Variants in FSTL5 observed in about 807,000 individuals in gnomAD.
The protein encoded by FSTL5 is follistatin like 5.
Under a neutral mutation model 89.1 loss-of-function variants are expected in FSTL5, and 62 were observed. That is an observed-to-expected ratio of 0.70 (90% CI 0.57 to 0.86). The LOEUF is 0.86. Among genes scored for constraint, FSTL5 ranks in the 40% least tolerant of loss-of-function variants. The probability of loss-of-function intolerance (pLI) is 0.00; values close to 1 mark genes in which losing one functional copy is unlikely to be tolerated. For synonymous variants in FSTL5, 383 were observed against 346.2 expected, an observed-to-expected ratio of 1.11 and a Z score of -1.18; for missense variants, 1,057 against 1,001.6, an observed-to-expected ratio of 1.06 and a Z score of -0.75.
Position 161,678,186 on chromosome 4 carries a change from G to A in FSTL5, c.728-21692C>T, listed in dbSNP as rs117248234. Among the ~76,000 whole-genome samples the A allele has an allele frequency of 6.0e-3, 907 of 151,692 alleles. 9 individuals carry two copies. The highest frequency in any genetic ancestry group is 0.046 in the South Asian group (220 of 4,806). On this transcript the variant is annotated intron_variant, in intron 6 of 15. Coordinates refer to ENST00000306100, the MANE Select transcript of FSTL5 (RefSeq NM_020116.5). The stretch of plus-strand genomic sequence containing the variant: ...ATATATGATACTTACTATATAATAT[G>A]TAAATGTACAAACACATATGTGTGT...
In FSTL5 at chr4:161,549,911, T is replaced by C. The variant is rs1022732051; in HGVS notation, c.1016-7218A>G. Among the ~76,000 whole-genome samples the C allele has an allele frequency of 4.6e-5, 7 of 151,962 alleles. No individual in the cohort carries two copies. The East Asian group carries it at 9.7e-4, about 21-fold the overall frequency. On this transcript the variant is annotated intron_variant, in intron 8 of 15. Transcript: ENST00000306100. Reference sequence around the variant, plus strand: ...GATCCATTGTATATACAAATTTCACTGACTATTGAATAAGTGTCAATCCTC... The same window carrying C: ...GATCCATTGTATATACAAATTTCACCGACTATTGAATAAGTGTCAATCCTC...
chr4:161,455,406 C>T (rs1733319243), intron 14 of FSTL5, among the ~76,000 whole-genome samples: 1 of 152,036 alleles, frequency 6.6e-6, no homozygotes, highest in East Asian at 1.9e-4. Context: ...TAAGCAACTT[C>T]TTCATTACAA....
At chr4:161,492,292 C>A (rs1219446735) in intron 12 of FSTL5, among the ~76,000 whole-genome samples, 1 of 152,080 alleles carries the variant, frequency 6.6e-6, no homozygotes, top group African/African-American at 2.4e-5. Context: ...AACTAGTAAA[C>A]AAACCTCAGT....
chr4:162,041,089 T>A (rs1737933934), intron 2 of FSTL5, among the ~76,000 whole-genome samples: 1 of 150,742 alleles, frequency 6.6e-6, no homozygotes, highest in African/African-American at 2.4e-5. Flanking sequence ...GAATTATGTA[T>A]CAAATCTAGA....
At chr4:161,448,681 G>C (rs1004195468) in intron 15 of FSTL5, among the ~76,000 whole-genome samples, 1 of 152,056 alleles carries the variant, frequency 6.6e-6, no homozygotes, top group African/African-American at 2.4e-5. Flanking sequence ...TACTTCATCC[G>C]TGTAGTAGAG....
At chr4:161,543,269 A>G (rs977039565) in intron 8 of FSTL5, among the ~76,000 whole-genome samples, 3 of 152,052 alleles carry the variant, frequency 2.0e-5, no homozygotes, top group Non-Finnish European at 4.4e-5. Flanking sequence ...TTGTTGAAAG[A>G]ATTTAAAGAA....
chr4:162,073,432 AAC>A (rs1244238296), intron 2 of FSTL5, among the ~76,000 whole-genome samples: 1 of 151,756 alleles, frequency 6.6e-6, no homozygotes, highest in Non-Finnish European at 1.5e-5. Flanking sequence ...AATAAAGTCA[AAC>A]ACATATCAAT....
At chr4:162,095,955 A>G (rs1347450851) in intron 2 of FSTL5, among the ~76,000 whole-genome samples, 2 of 151,918 alleles carry the variant, frequency 1.3e-5, no homozygotes, top group Non-Finnish European at 2.9e-5. Flanking sequence ...TTGTTAGAAG[A>G]CCAGAGTTTT....
chr4:161,430,711 G>T (rs1358905357), intron 15 of FSTL5, among the ~76,000 whole-genome samples: 1 of 152,144 alleles, frequency 6.6e-6, no homozygotes, highest in Non-Finnish European at 1.5e-5. Context: ...CTGCATTCCA[G>T]CCTGGGCGAC....
chr4:162,140,019 A>G (rs1732664871), intron 1 of FSTL5, among the ~76,000 whole-genome samples: 1 of 152,166 alleles, frequency 6.6e-6, no homozygotes, highest in Non-Finnish European at 1.5e-5. Context: ...AAACTCATTG[A>G]TATCTAAAAA....
At chr4:161,414,533 A>C (rs1297048065) in intron 15 of FSTL5, among the ~76,000 whole-genome samples, 2 of 152,208 alleles carry the variant, frequency 1.3e-5, no homozygotes, top group African/African-American at 4.8e-5. Context: ...TTTAGTATTG[A>C]GTTCAAAGGG....
chr4:161,798,635 G>C (rs1003970869), intron 4 of FSTL5, among the ~76,000 whole-genome samples: 1 of 151,364 alleles, frequency 6.6e-6, no homozygotes, highest in Non-Finnish European at 1.5e-5. Flanking sequence ...CTGGTATTTG[G>C]TCCAACAAAC....
At chr4:161,791,910 C>T (rs1000528783) in intron 4 of FSTL5, among the ~76,000 whole-genome samples, 2 of 152,240 alleles carry the variant, frequency 1.3e-5, no homozygotes, top group South Asian at 2.1e-4. Context: ...AAGGTGAGGC[C>T]GGGGCTGCGC....
chr4:161,899,081 AAGG>A (rs1359128667), intron 4 of FSTL5, among the ~76,000 whole-genome samples: 1 of 152,060 alleles, frequency 6.6e-6, no homozygotes, highest in Non-Finnish European at 1.5e-5. Flanking sequence ...TCAATATTTG[AAGG>A]AGATCTGGGA....
chr4:161,799,488 G>A (rs986244673), intron 4 of FSTL5, among the ~76,000 whole-genome samples: 1 of 151,596 alleles, frequency 6.6e-6, no homozygotes. Context: ...TTTGATGCTA[G>A]AAGCAAAGAG....
intron 2 of FSTL5, among the ~76,000 whole-genome samples, chr4:162,090,712 T>G (rs993643200): frequency 6.6e-6 from 1 of 152,002 alleles, no homozygotes; most frequent in Admixed American, 6.6e-5. Flanking sequence ...TCCCAACTAC[T>G]TGGGTGGCTG....
intron 3 of FSTL5, among the ~76,000 whole-genome samples, chr4:162,010,406 A>G (rs1186335028): frequency 6.6e-6 from 1 of 152,216 alleles, no homozygotes; most frequent in African/African-American, 2.4e-5. Context: ...TGTCCTAAAT[A>G]ATTTAATAAT....
chr4:161,938,238 G>A (rs1734485547), intron 3 of FSTL5, among the ~76,000 whole-genome samples: 1 of 152,046 alleles, frequency 6.6e-6, no homozygotes. Context: ...AGAGAGCAAA[G>A]ATCCATCTTT....
chr4:161,511,104 A>G (rs1170698947), intron 10 of FSTL5, among the ~76,000 whole-genome samples: 1 of 152,178 alleles, frequency 6.6e-6, no homozygotes, highest in Non-Finnish European at 1.5e-5. Context: ...AGTTGAAACT[A>G]TTCTGAAGGA....
Sources: gnomAD v4.1 joint callset for allele counts (sites outside exome capture counted in the v4.1 genomes callset) on GRCh38, gnomAD v4.1.1 for gene constraint, MANE v1.5 for transcripts, NCBI Gene and HGNC (gene_info 2026-07-23, HGNC 2026-07-21) for gene names.